Variants in ANGPT1 observed in about 807,000 individuals in gnomAD.
The protein encoded by ANGPT1 is angiopoietin 1, also known as angiopoietin-1.
Under a neutral mutation model 62.2 loss-of-function variants are expected in ANGPT1, and 17 were observed. The observed-to-expected ratio is 0.27, with a 90% CI of 0.19 to 0.41. The LOEUF (loss-of-function observed/expected upper bound fraction) is 0.41. Among genes scored for constraint, ANGPT1 ranks in the 10% least tolerant of loss-of-function variants. The pLI, the probability that ANGPT1 is intolerant of heterozygous loss-of-function variation, is 1.00. For missense variants in ANGPT1, 478 were observed against 594.9 expected, an observed-to-expected ratio of 0.80 and a Z score of 2.04; for synonymous variants, 199 against 198.9, an observed-to-expected ratio of 1.00 and a Z score of 0.00.
intron 4 of ANGPT1, among the ~76,000 whole-genome samples, chr8:107,313,147 T>C (rs1043828654): frequency 6.6e-6 from 1 of 152,176 alleles, no homozygotes; most frequent in Non-Finnish European, 1.5e-5. Context: ...ATAATTAAGA[T>C]ACATGCAAAC....
chr8:107,470,671 A>C (rs1812332091), intron 1 of ANGPT1, among the ~76,000 whole-genome samples: 1 of 152,074 alleles, frequency 6.6e-6, no homozygotes, highest in South Asian at 2.1e-4. Context: ...TTTTGTTGCC[A>C]TTTCTTTTGG....
intron 1 of ANGPT1, among the ~76,000 whole-genome samples, chr8:107,459,924 G>T (rs1424731187): frequency 6.6e-6 from 1 of 152,076 alleles, no homozygotes. Context: ...GAGAACAAAG[G>T]GTTGTTTGTT....
At chr8:107,493,126 A>T (rs1218650573) in intron 1 of ANGPT1, among the ~76,000 whole-genome samples, 1 of 150,544 alleles carries the variant, frequency 6.6e-6, no homozygotes. Context: ...TTAAAAACTG[A>T]TTATTACAAT....
intron 1 of ANGPT1, among the ~76,000 whole-genome samples, chr8:107,420,674 A>G (rs1332156905): frequency 4.6e-5 from 7 of 152,164 alleles, no homozygotes; most frequent in Non-Finnish European, 1.0e-4. Context: ...AACTTTTGTT[A>G]TCAATCTGTT....
At chr8:107,464,761 C>G (rs1206749433) in intron 1 of ANGPT1, among the ~76,000 whole-genome samples, 1 of 152,108 alleles carries the variant, frequency 6.6e-6, no homozygotes, top group African/African-American at 2.4e-5. Context: ...GAAGCTCATA[C>G]ATGGAACTTG....
intron 2 of ANGPT1, among the ~76,000 whole-genome samples, chr8:107,342,982 C>T (rs141636068): frequency 0.012 from 1,803 of 147,764 alleles, 14 homozygotes; most frequent in Non-Finnish European, 0.02. Flanking sequence ...GCTACAGGCA[C>T]GCATTACCAT....
At chr8:107,450,908 T>C (rs1284472357) in intron 1 of ANGPT1, among the ~76,000 whole-genome samples, 1 of 151,856 alleles carries the variant, frequency 6.6e-6, no homozygotes, top group African/African-American at 2.4e-5. Context: ...ATGCAGTTAA[T>C]ATTACATCAC....
At chr8:107,474,563 T>C (rs1018334955) in intron 1 of ANGPT1, among the ~76,000 whole-genome samples, 3 of 152,066 alleles carry the variant, frequency 2.0e-5, no homozygotes, top group Non-Finnish European at 4.4e-5. Flanking sequence ...CTATCCAACA[T>C]AGTGTTGGAA....
At chr8:107,271,065 T>C (rs887454677) in intron 7 of ANGPT1, among the ~76,000 whole-genome samples, 3 of 152,004 alleles carry the variant, frequency 2.0e-5, no homozygotes, top group African/African-American at 7.2e-5. Flanking sequence ...CTCTTCCTTT[T>C]TTCCTCCTCC....
intron 1 of ANGPT1, among the ~76,000 whole-genome samples, chr8:107,351,227 TA>T (rs1815925159): frequency 6.6e-6 from 1 of 151,982 alleles, no homozygotes; most frequent in African/African-American, 2.4e-5. Flanking sequence ...TGACAAACAA[TA>T]AATGATTACT....
intron 1 of ANGPT1, among the ~76,000 whole-genome samples, chr8:107,377,369 A>G (rs1435689629): frequency 6.6e-6 from 1 of 152,154 alleles, no homozygotes; most frequent in Non-Finnish European, 1.5e-5. Flanking sequence ...TATGCATAGC[A>G]GGAAACGTAC....
chr8:107,377,696 G>A (rs759999093), intron 1 of ANGPT1, among the ~76,000 whole-genome samples: 2 of 152,152 alleles, frequency 1.3e-5, no homozygotes, highest in African/African-American at 2.4e-5. Context: ...TTCCAGAAAA[G>A]GAGGTTAAAG....
chr8:107,495,522 T>C (rs1431391837), intron 1 of ANGPT1, among the ~76,000 whole-genome samples: 1 of 152,248 alleles, frequency 6.6e-6, no homozygotes, highest in Admixed American at 6.5e-5. Context: ...TGCATTACTA[T>C]GTTTGAATCA....
chr8:107,287,504 G>T (rs1814170975), intron 6 of ANGPT1, among the ~76,000 whole-genome samples: 1 of 152,144 alleles, frequency 6.6e-6, no homozygotes, highest in African/African-American at 2.4e-5. Flanking sequence ...AGAGCAAAAG[G>T]TTTGAGTACA....
chr8:107,389,764 T>C (rs1816799042), intron 1 of ANGPT1, among the ~76,000 whole-genome samples: 1 of 152,112 alleles, frequency 6.6e-6, no homozygotes, highest in Non-Finnish European at 1.5e-5. Context: ...GGGACATATA[T>C]ATGTATAGCA....
At chr8:107,483,506 TC>T (rs1300321814) in intron 1 of ANGPT1, among the ~76,000 whole-genome samples, 2 of 152,126 alleles carry the variant, frequency 1.3e-5, no homozygotes, top group Non-Finnish European at 2.9e-5. Flanking sequence ...AATTTTCTTT[TC>T]TTTTTTTCTA....
chr8:107,274,245 C>A (rs1264585974), intron 7 of ANGPT1, among the ~76,000 whole-genome samples: 1 of 152,120 alleles, frequency 6.6e-6, no homozygotes, highest in Non-Finnish European at 1.5e-5. Context: ...CCTATATGCA[C>A]ATTCAAGAAA....
At chr8:107,450,906 A>G (rs977528499) in intron 1 of ANGPT1, among the ~76,000 whole-genome samples, 2 of 151,836 alleles carry the variant, frequency 1.3e-5, no homozygotes, top group Non-Finnish European at 2.9e-5. Context: ...CCATGCAGTT[A>G]ATATTACATC....
intron 1 of ANGPT1, among the ~76,000 whole-genome samples, chr8:107,472,520 T>C (rs953905419): frequency 1.4e-4 from 21 of 152,234 alleles, no homozygotes; most frequent in African/African-American, 4.8e-4. Flanking sequence ...TTAACGTTTG[T>C]TGGGTACCGT....
Sources: allele counts gnomAD v4.1 joint callset (sites outside exome capture counted in the v4.1 genomes callset), GRCh38; gene constraint gnomAD v4.1.1; transcripts MANE v1.5; gene names NCBI Gene and HGNC (gene_info 2026-07-23, HGNC 2026-07-21).